The following PLXNA4 variants were observed in gnomAD, a reference collection of about 807,000 sequenced individuals.
PLXNA4 encodes the protein plexin-A4.
Under a neutral mutation model 191.8 loss-of-function variants are expected in PLXNA4, and 44 were observed. That is an observed-to-expected ratio of 0.23 (90% confidence interval 0.18 to 0.29). The LOEUF is 0.29. Among genes scored for constraint, PLXNA4 ranks in the 10% least tolerant of loss-of-function variants. The pLI is 1.00. For synonymous variants in PLXNA4, 1,082 were observed against 1,009.5 expected, an observed-to-expected ratio of 1.07 and a Z score of -1.36; for missense variants, 1,800 against 2,488.8, an observed-to-expected ratio of 0.72 and a Z score of 5.89.
chr7:132,563,197 CTCT>C (rs1306914025), intron 1 of PLXNA4, among the ~76,000 whole-genome samples: 37 of 69,272 alleles, frequency 5.3e-4, no homozygotes, highest in East Asian at 1.6e-3. Flanking sequence ...CCTCCTCCTC[CTCT>C]TCCTCCTCCT....
chr7:132,390,504 A>T (rs1247777501), intron 3 of PLXNA4, among the ~76,000 whole-genome samples: 2 of 152,152 alleles, frequency 1.3e-5, no homozygotes, highest in Non-Finnish European at 2.9e-5. Flanking sequence ...ACCATGGCAC[A>T]TGTATACCTA....
At chr7:132,338,639 C>G (rs1461916705) in intron 3 of PLXNA4, among the ~76,000 whole-genome samples, 2 of 152,174 alleles carry the variant, frequency 1.3e-5, no homozygotes, top group African/African-American at 4.8e-5. Flanking sequence ...TCTAATCTAG[C>G]CTGGAATGTC....
intron 3 of PLXNA4, among the ~76,000 whole-genome samples, chr7:132,475,594 C>G (rs961077345): frequency 6.6e-6 from 1 of 152,060 alleles, no homozygotes; most frequent in Non-Finnish European, 1.5e-5. Flanking sequence ...TAAAGGTCCC[C>G]CTTCCCCTGA....
At chr7:132,470,762 C>T (rs1034187444) in intron 3 of PLXNA4, among the ~76,000 whole-genome samples, 7 of 152,010 alleles carry the variant, frequency 4.6e-5, no homozygotes, top group East Asian at 1.9e-4. Context: ...GCTTTGAAGA[C>T]GGAGGAAGAG....
At chr7:132,373,354 G>A (rs1804521677) in intron 3 of PLXNA4, among the ~76,000 whole-genome samples, 1 of 152,156 alleles carries the variant, frequency 6.6e-6, no homozygotes, top group African/African-American at 2.4e-5. Context: ...GGAAGGAAAG[G>A]AAGAGGCTTC....
At position 132,432,498 on chromosome 7, in the gene PLXNA4, T is replaced by C. The variant is rs1313731436; in HGVS notation, c.1371+56794A>G. ...AATCATCATAATCAATATAGGGTAT[T>C]TATCCCACTCCTTGGTTCCAAGGAA... On this transcript the variant is annotated intron_variant, in intron 3 of 31. Transcript: ENST00000321063. 2.6e-5 allele frequency among the ~76,000 whole-genome samples: 4 copies of C among 152,270 alleles called. No individual in the cohort carries two copies. In the East Asian group the frequency reaches 5.8e-4, roughly 22 times the overall value.
intron 3 of PLXNA4, among the ~76,000 whole-genome samples, chr7:132,423,848 A>G (rs1794939518): frequency 3.3e-5 from 5 of 152,140 alleles, no homozygotes; most frequent in Admixed American, 2.0e-4. Context: ...ATAGCAACAC[A>G]TGGGGATGGC....
At chr7:132,160,335 G>A (rs1795913006) in intron 24 of PLXNA4, among the ~76,000 whole-genome samples, 1 of 152,234 alleles carries the variant, frequency 6.6e-6, no homozygotes, top group Non-Finnish European at 1.5e-5. Flanking sequence ...TGGGGGAAGA[G>A]GCGACTGCAT....
chr7:132,265,602 T>C (rs983335168), intron 4 of PLXNA4, among the ~76,000 whole-genome samples: 2 of 152,164 alleles, frequency 1.3e-5, no homozygotes, highest in African/African-American at 4.8e-5. Context: ...GCAGACAAGA[T>C]CAGTGGGGTC....
intron 3 of PLXNA4, among the ~76,000 whole-genome samples, chr7:132,410,081 G>A (rs1794387864): frequency 6.6e-6 from 1 of 152,330 alleles, no homozygotes; most frequent in East Asian, 1.9e-4. Flanking sequence ...GTAATAAGGA[G>A]GAATTTAGGC....
At chr7:132,169,581 C>T (rs1350231236) in intron 21 of PLXNA4, among the ~76,000 whole-genome samples, 1 of 152,208 alleles carries the variant, frequency 6.6e-6, no homozygotes, top group African/African-American at 2.4e-5. Flanking sequence ...TGAAAAAAGC[C>T]AGATGCTAAA....
At chr7:132,484,830 C>T in intron 3 of PLXNA4, 2 of 1,613,900 alleles carry the variant, frequency 1.2e-6, no homozygotes, top group Non-Finnish European at 1.7e-6. Flanking sequence ...GAAGAATTCC[C>T]AGGTACATTT....
intron 3 of PLXNA4, among the ~76,000 whole-genome samples, chr7:132,440,598 T>C (rs1350010042): frequency 6.6e-6 from 1 of 152,208 alleles, no homozygotes; most frequent in African/African-American, 2.4e-5. Context: ...TCCTGTTCTT[T>C]CCTCCCCTTC....
intron 21 of PLXNA4, among the ~76,000 whole-genome samples, chr7:132,170,623 G>C (rs1584790465): frequency 6.6e-6 from 1 of 152,220 alleles, no homozygotes. Context: ...CTGGCAGGAG[G>C]CCGGGTTCAG....
At chr7:132,352,524 T>C (rs905991493) in intron 3 of PLXNA4, 1 of 152,264 alleles carries the variant, frequency 6.6e-6, no homozygotes, top group African/African-American at 2.4e-5. Context: ...AGAGTTTACC[T>C]TGACCTTTGA....
chr7:132,515,408 C>G (rs1163969699), intron 1 of PLXNA4, among the ~76,000 whole-genome samples: 1 of 152,326 alleles, frequency 6.6e-6, no homozygotes, highest in East Asian at 1.9e-4. Flanking sequence ...TTTGCAGAAG[C>G]CAGTTTGGGT....
At chr7:132,497,183 T>C (rs1363177856) in intron 2 of PLXNA4, among the ~76,000 whole-genome samples, 1 of 151,908 alleles carries the variant, frequency 6.6e-6, no homozygotes, top group Non-Finnish European at 1.5e-5. Context: ...ACACCTCCAC[T>C]GGAAATGGGG....
At chr7:132,323,387 A>T (rs1285353989) in intron 3 of PLXNA4, among the ~76,000 whole-genome samples, 1 of 152,240 alleles carries the variant, frequency 6.6e-6, no homozygotes. Flanking sequence ...GCATCATCTC[A>T]TCTAATCCTT....
Position 132,374,524 on chromosome 7 carries a change from T to A in PLXNA4, c.1372-76302A>T, listed in dbSNP as rs796446106. 4.6e-5 allele frequency among the ~76,000 whole-genome samples: 7 copies of A among 152,192 alleles called. 1 individual carries two copies. Among genetic ancestry groups the A allele is most frequent in the African/African-American group, 1.7e-4 (7 of 41,532 alleles). On this transcript the variant is annotated intron_variant, in intron 3 of 31. Transcript: ENST00000321063. ...GCAGCTGGTAATTAGAAGCTACTGG[T>A]GGGTATCAGAACGCATCCATCAGAT...
Sources: allele counts gnomAD v4.1 joint callset (sites outside exome capture counted in the v4.1 genomes callset), GRCh38; gene constraint gnomAD v4.1.1; transcripts MANE v1.5; gene names NCBI Gene and HGNC (gene_info 2026-07-23, HGNC 2026-07-21).